The following CTNNA2 variants were observed in gnomAD, a reference collection of about 807,000 sequenced individuals.
CTNNA2 encodes catenin alpha 2.
Under a neutral mutation model 101.0 loss-of-function variants are expected in CTNNA2, and 42 were observed. The observed-to-expected ratio is 0.42, with a 90% CI of 0.32 to 0.54. CTNNA2 has a LOEUF of 0.54. Among genes scored for constraint, CTNNA2 ranks in the 20% least tolerant of loss-of-function variants. The pLI, the probability that CTNNA2 is intolerant of heterozygous loss-of-function variation, is 0.14. For synonymous variants in CTNNA2, 450 were observed against 456.4 expected, an observed-to-expected ratio of 0.99 and a Z score of 0.18; for missense variants, 871 against 1,223.1, an observed-to-expected ratio of 0.71 and a Z score of 4.29.
chr2:79,509,013 A>AT (rs1671478933), upstream of CTNNA2, among the ~76,000 whole-genome samples: 1 of 119,348 alleles, frequency 8.4e-6, no homozygotes, highest in African/African-American at 2.9e-5. Flanking sequence ...ATATATATAT[A>AT]AACAATTACC....
rs77908306 is a variant in CTNNA2 at position 80,381,942 on chromosome 2, G to T, written c.1057-11269G>T. Reference sequence around the variant, plus strand: ...ACTCTTTGTACTTCTTCTTCCAAGGGTATATACATCTTAATCCTATGCATA... The same window carrying T: ...ACTCTTTGTACTTCTTCTTCCAAGGTTATATACATCTTAATCCTATGCATA... On this transcript the variant is annotated intron_variant, in intron 7 of 18. Transcript: ENST00000402739. Among the ~76,000 whole-genome samples the T allele has an allele frequency of 3.5e-3, 535 of 152,204 alleles. 5 individuals are homozygous for T. Among genetic ancestry groups the T allele is most frequent in the African/African-American group, 0.012 (508 of 41,522 alleles).
At chr2:79,793,868 CCA>C (rs530335591) in intron 3 of CTNNA2, among the ~76,000 whole-genome samples, 44 of 138,514 alleles carry the variant, frequency 3.2e-4, no homozygotes, top group South Asian at 4.6e-4. Flanking sequence ...TTCCCCAATA[CCA>C]CACACACACA....
chr2:80,562,743 C>A (rs1693716882), intron 12 of CTNNA2, among the ~76,000 whole-genome samples: 2 of 152,026 alleles, frequency 1.3e-5, no homozygotes, highest in Non-Finnish European at 2.9e-5. Context: ...GAGTAGTATG[C>A]AGCTATAAAA....
chr2:79,978,330 T>C (rs1222549753), intron 7 of CTNNA2, among the ~76,000 whole-genome samples: 1 of 152,140 alleles, frequency 6.6e-6, no homozygotes, highest in Admixed American at 6.6e-5. Context: ...ACCCTTCCCA[T>C]TTCCTTTGTT....
chr2:79,978,736 G>A (rs1453173269), intron 7 of CTNNA2, among the ~76,000 whole-genome samples: 1 of 152,122 alleles, frequency 6.6e-6, no homozygotes, highest in Non-Finnish European at 1.5e-5. Context: ...ACGCCTCTAG[G>A]CTTTTCCTAG....
intron 18 of CTNNA2, among the ~76,000 whole-genome samples, chr2:80,646,720 A>G (rs897115763): frequency 6.6e-6 from 1 of 151,980 alleles, no homozygotes; most frequent in Non-Finnish European, 1.5e-5. Flanking sequence ...CCTGGCCTAA[A>G]AGTCTGGTGA....
At chr2:80,640,106 AAAC>A (rs1009029910) in intron 18 of CTNNA2, among the ~76,000 whole-genome samples, 2 of 152,136 alleles carry the variant, frequency 1.3e-5, no homozygotes, top group Non-Finnish European at 2.9e-5. Context: ...TCTCAAAAAA[AAAC>A]AAAAAAACAA....
At chr2:80,423,401 AT>A (rs1680706637) in intron 9 of CTNNA2, among the ~76,000 whole-genome samples, 1 of 152,154 alleles carries the variant, frequency 6.6e-6, no homozygotes, top group Admixed American at 6.5e-5. Context: ...TGTGGGTCCA[AT>A]ATACTCAAAA....
intron 1 of CTNNA2, among the ~76,000 whole-genome samples, chr2:79,550,850 T>C (rs1227901482): frequency 6.6e-6 from 1 of 152,182 alleles, no homozygotes; most frequent in East Asian, 1.9e-4. Flanking sequence ...ATGGGAGAGT[T>C]GCAGTTGGGA....
At chr2:79,271,023 G>T (rs1256295752) in intron 2 of CTNNA2, among the ~76,000 whole-genome samples, 3 of 152,080 alleles carry the variant, frequency 2.0e-5, no homozygotes, top group Non-Finnish European at 4.4e-5. Flanking sequence ...AGCAAAATAA[G>T]TCTGTATAGT....
intron 13 of CTNNA2, chr2:80,575,124 C>T (rs537193575): frequency 5.9e-5 from 9 of 152,242 alleles, no homozygotes; most frequent in African/African-American, 2.2e-4. Flanking sequence ...TTATTAGCCA[C>T]ATAATAATCT....
intron 4 of CTNNA2, among the ~76,000 whole-genome samples, chr2:79,495,715 T>C (rs1175208774): frequency 6.6e-6 from 1 of 152,202 alleles, no homozygotes; most frequent in East Asian, 1.9e-4. Context: ...TATCTATTAA[T>C]TGATAAATGG....
intron 7 of CTNNA2, among the ~76,000 whole-genome samples, chr2:80,350,725 T>C (rs1355331371): frequency 6.6e-6 from 1 of 152,168 alleles, no homozygotes; most frequent in Non-Finnish European, 1.5e-5. Flanking sequence ...ATTGCCTTGA[T>C]TATATCTGGA....
chr2:79,774,872 A>G (rs1673848235), intron 3 of CTNNA2, among the ~76,000 whole-genome samples: 1 of 152,130 alleles, frequency 6.6e-6, no homozygotes, highest in Non-Finnish European at 1.5e-5. Context: ...GCATAGAGAA[A>G]CCTTTCTTCT....
Position 79,858,000 on chromosome 2 carries a change from G to A in CTNNA2, c.299-13G>A, listed in dbSNP as rs770338412. On this transcript the variant is annotated splice_polypyrimidine_tract_variant and intron_variant, in intron 3 of 18. Coordinates refer to ENST00000402739, the MANE Select transcript of CTNNA2 (RefSeq NM_001282597.3). ...CTTGTCTACCCACCTGCCTCTCCGT[G>A]TCTGTCTTCCAGGTGAGACGATGCG... 1 of 1,605,528 alleles carries A rather than the reference G, an allele frequency of 6.2e-7. No homozygotes were observed. Among genetic ancestry groups the A allele is most frequent in the Admixed American group, 1.7e-5 (1 of 59,892 alleles).
At chr2:79,403,350 C>T (rs935815399) in intron 4 of CTNNA2, among the ~76,000 whole-genome samples, 1 of 151,904 alleles carries the variant, frequency 6.6e-6, no homozygotes, top group Non-Finnish European at 1.5e-5. Flanking sequence ...TAGAACTAAA[C>T]TGTTCAATAC....
At chr2:80,287,381 T>TCA in intron 7 of CTNNA2, among the ~76,000 whole-genome samples, 1 of 152,176 alleles carries the variant, frequency 6.6e-6, no homozygotes, top group East Asian at 1.9e-4. Context: ...ATATACTACT[T>TCA]TATATGATTC....
intron 2 of CTNNA2, among the ~76,000 whole-genome samples, chr2:79,287,856 A>T (rs936664519): frequency 6.6e-6 from 1 of 152,056 alleles, no homozygotes; most frequent in South Asian, 2.1e-4. Flanking sequence ...CCTCGCTGCC[A>T]CCTTGCAGTT....
At chr2:79,367,947 C>T (rs1332562134) in intron 3 of CTNNA2, among the ~76,000 whole-genome samples, 6 of 152,078 alleles carry the variant, frequency 3.9e-5, no homozygotes, top group African/African-American at 1.4e-4. Flanking sequence ...GTACTACCTA[C>T]CTTACAGAGG....
Sources: gnomAD v4.1 joint callset for allele counts (sites outside exome capture counted in the v4.1 genomes callset) on GRCh38, gnomAD v4.1.1 for gene constraint, MANE v1.5 for transcripts, NCBI Gene and HGNC (gene_info 2026-07-23, HGNC 2026-07-21) for gene names.